The following DMD variants were observed in gnomAD, a reference collection of about 807,000 sequenced individuals.
DMD encodes the protein dystrophin, also known as mutant dystrophin.
A neutral mutation model predicts 330.1 loss-of-function variants in DMD; 63 were observed. That is an observed-to-expected ratio of 0.19 (90% confidence interval 0.16 to 0.24). The LOEUF (loss-of-function observed/expected upper bound fraction) is 0.24, where lower values mean the gene tolerates loss of function less well. DMD is among the 10% of genes least tolerant of loss of function. DMD has a pLI of 1.00. For missense variants in DMD, 3,344 were observed against 2,684.1 expected (o/e 1.25, Z -5.43); for synonymous variants, 1,223 against 959.8 (o/e 1.27, Z -5.07).
chrX:31,169,885 C>T (rs779071920), intron 73 of DMD, among the ~76,000 whole-genome samples: 12 of 111,659 alleles, frequency 1.1e-4, no homozygotes, highest in East Asian at 5.6e-4. Context: ...TGGGACTCTA[C>T]GTTGATGTTA....
chrX:32,049,634 C>T (rs1426586927), intron 44 of DMD, among the ~76,000 whole-genome samples: 1 of 111,395 alleles, frequency 9.0e-6, no homozygotes, highest in Non-Finnish European at 1.9e-5. Flanking sequence ...AAGATGTAGA[C>T]GTAGAAGTGA....
At chrX:32,439,393 C>T (rs185100176) in intron 28 of DMD, among the ~76,000 whole-genome samples, 138 of 110,799 alleles carry the variant, frequency 1.2e-3, no homozygotes, top group Non-Finnish European at 2.0e-3. Context: ...TAAAAGCCAT[C>T]AAATTTTTGA....
chrX:31,407,331 A>AT (rs776586611), intron 60 of DMD, among the ~76,000 whole-genome samples: 5 of 109,438 alleles, frequency 4.6e-5, no homozygotes, highest in Non-Finnish European at 7.6e-5. Context: ...CGTCCAGCTA[A>AT]TTTTTTGTAT....
At chrX:31,440,715 G>A (rs944556702) in intron 60 of DMD, among the ~76,000 whole-genome samples, 9 of 112,181 alleles carry the variant, frequency 8.0e-5, no homozygotes, top group Non-Finnish European at 1.3e-4. Flanking sequence ...CTAACTGCAA[G>A]GAGTGATGGT....
chrX:32,719,670 GACTT>G (rs2066068984), intron 7 of DMD, among the ~76,000 whole-genome samples: 1 of 111,539 alleles, frequency 9.0e-6, no homozygotes, highest in African/African-American at 3.3e-5. Context: ...ATTAAATGTA[GACTT>G]ACTTTTGTGT....
intron 7 of DMD, among the ~76,000 whole-genome samples, chrX:32,789,023 C>A (rs1483634607): frequency 2.7e-5 from 3 of 111,742 alleles, no homozygotes; most frequent in African/African-American, 9.8e-5. Context: ...ATCACCTCTG[C>A]AAACAGCTCC....
intron 44 of DMD, among the ~76,000 whole-genome samples, chrX:32,113,519 G>A (rs1001578079): frequency 1.8e-5 from 2 of 111,602 alleles, no homozygotes; most frequent in Non-Finnish European, 3.8e-5. Flanking sequence ...CCTCGATTTC[G>A]TTCATGGGAA....
intron 63 of DMD, among the ~76,000 whole-genome samples, chrX:31,235,012 G>A (rs1422387675): frequency 9.0e-6 from 1 of 111,391 alleles, no homozygotes; most frequent in African/African-American, 3.3e-5. Context: ...ATGGGGGATG[G>A]TGGAGGATGA....
At chrX:31,931,821 A>G (rs752786569) in intron 46 of DMD, among the ~76,000 whole-genome samples, 7 of 111,179 alleles carry the variant, frequency 6.3e-5, no homozygotes, top group African/African-American at 9.8e-5. Context: ...TATTGAATCT[A>G]TACATCTATA....
intron 7 of DMD, among the ~76,000 whole-genome samples, chrX:32,779,531 C>A (rs747909057): frequency 2.7e-5 from 3 of 109,668 alleles, no homozygotes; most frequent in African/African-American, 1.0e-4. Context: ...GATGTTCCCC[C>A]TTCCTGTGTC....
intron 55 of DMD, among the ~76,000 whole-genome samples, chrX:31,563,506 T>C (rs971912921): frequency 5.3e-5 from 6 of 112,315 alleles, no homozygotes; most frequent in African/African-American, 1.6e-4. Context: ...TCCCTTATTA[T>C]TGATGCAGAG....
intron 62 of DMD, among the ~76,000 whole-genome samples, chrX:31,322,400 A>C (rs1322464225): frequency 4.5e-5 from 5 of 112,310 alleles, no homozygotes; most frequent in Non-Finnish European, 7.5e-5. Context: ...TGAGTGACTA[A>C]TGAATTAAAT....
chrX:31,543,361 G>C (rs1484779714), intron 55 of DMD, among the ~76,000 whole-genome samples: 2 of 109,782 alleles, frequency 1.8e-5, no homozygotes, highest in African/African-American at 6.6e-5. Context: ...AGTAGAGATG[G>C]GGTTTCATCA....
At chrX:32,457,598 T>C (rs1204166991) in intron 25 of DMD, among the ~76,000 whole-genome samples, 2 of 110,383 alleles carry the variant, frequency 1.8e-5, no homozygotes, top group African/African-American at 6.6e-5. Flanking sequence ...AGAAAGTTCA[T>C]CTATGTAAAC....
At position 32,369,778 on chromosome X, in the gene DMD, A is replaced by G. The variant is rs1415257775; in HGVS notation, c.4846-4579T>C. Among the ~76,000 whole-genome samples, 20 of 111,068 alleles carry G rather than the reference A, an allele frequency of 1.8e-4. No individual in the cohort carries two copies. The Admixed American group carries it at 1.9e-3, about 11-fold the overall frequency. ...CCCCTCTTTTTAAACAAATTTTATT[A>G]TCTTAAGAGTCTCCTGTTCTCTAGA... is the stretch of plus-strand genomic sequence containing the variant. On this transcript the variant is annotated intron_variant, in intron 34 of 78. Coordinates refer to ENST00000357033, the MANE Select transcript of DMD (RefSeq NM_004006.3).
At chrX:32,611,935 G>A (rs1323109419) in intron 12 of DMD, among the ~76,000 whole-genome samples, 2 of 112,003 alleles carry the variant, frequency 1.8e-5, no homozygotes, top group African/African-American at 3.2e-5. Flanking sequence ...GACATTAAGT[G>A]ATGTTTGGAA....
At chrX:32,881,657 A>G (rs2083954346) in intron 2 of DMD, among the ~76,000 whole-genome samples, 2 of 111,788 alleles carry the variant, frequency 1.8e-5, no homozygotes, top group South Asian at 7.6e-4. Context: ...TAATGGAAAT[A>G]TAAGATGTTT....
intron 1 of DMD, among the ~76,000 whole-genome samples, chrX:33,328,473 G>C (rs910962757): frequency 9.0e-6 from 1 of 111,434 alleles, no homozygotes; most frequent in Non-Finnish European, 1.9e-5. Flanking sequence ...TGGGATTACA[G>C]GCATGAGCCA....
At chrX:33,129,350 TTTTTTTA>T (rs2095484760) in intron 1 of DMD, among the ~76,000 whole-genome samples, 2 of 91,040 alleles carry the variant, frequency 2.2e-5, no homozygotes, top group African/African-American at 8.1e-5. Flanking sequence ...TTTTTTTTTT[TTTTTTTA>T]GTAGATCCAG....
Sources: gnomAD v4.1 joint callset for allele counts (sites outside exome capture counted in the v4.1 genomes callset) on GRCh38, gnomAD v4.1.1 for gene constraint, MANE v1.5 for transcripts, NCBI Gene and HGNC (gene_info 2026-07-23, HGNC 2026-07-21) for gene names.